Variants in DCUN1D5 observed in about 807,000 individuals in gnomAD.
DCUN1D5 encodes DCN1-like protein 5.
In DCUN1D5, 10 loss-of-function variants were observed where a neutral mutation model predicts 38.3. The observed-to-expected ratio is 0.26, with a 90% CI of 0.16 to 0.44. The LOEUF is 0.44. DCUN1D5 is among the 20% of genes least tolerant of loss of function. DCUN1D5 has a pLI of 1.00. For missense variants in DCUN1D5, 148 were observed against 275.3 expected, an observed-to-expected ratio of 0.54 and a Z score of 3.27; for synonymous variants, 93 against 90.9, an observed-to-expected ratio of 1.02 and a Z score of -0.13.
chr11:103,055,497 T>C lies in DCUN1D5; in HGVS notation c.*6862A>G, dbSNP rs1036969594. 5.9e-5 allele frequency: 9 copies of C among 152,304 alleles called. No individual in the cohort carries two copies. In the East Asian group the frequency reaches 1.7e-3, roughly 29 times the overall value. 9.4% of individuals were successfully genotyped at this position (152,304 alleles called of 1,614,324 possible). A position where few individuals can be genotyped will look rare whatever the true frequency, so the allele number is the denominator to read the frequency against. ...CAAAAACTTTATTCCAAGAATAAAGTGACACTCCCTCCTCAATTTAATTTG... is the reference window on the plus strand; with the variant it reads ...CAAAAACTTTATTCCAAGAATAAAGCGACACTCCCTCCTCAATTTAATTTG... On this transcript the variant is annotated 3_prime_UTR_variant, in exon 8 of 8. Coordinates refer to ENST00000260247, the MANE Select transcript of DCUN1D5 (RefSeq NM_032299.4).
rs1430205960 is a variant in DCUN1D5, at chr11:103,086,853, TAATAA to T, written c.178+2369_178+2373del. On this transcript the variant is annotated intron_variant, in intron 2 of 7. Coordinates refer to ENST00000260247, the MANE Select transcript of DCUN1D5 (RefSeq NM_032299.4). The surrounding 1 kb of genome is among the most constrained non-coding windows in gnomAD (Gnocchi z 4.1). ...AATAAACATAAAATAATATCTATTA[TAATAA>T]AATGTTTATAACTATATATAAACAT... Among the ~76,000 whole-genome samples the T allele has an allele frequency of 2.0e-5, 3 of 151,608 alleles. No individual in the cohort carries two copies. Among genetic ancestry groups the T allele is most frequent in the Admixed American group, 6.6e-5 (1 of 15,230 alleles).
In DCUN1D5 at chr11:103,087,055, G is replaced by A. The variant is rs1347136247; in HGVS notation, c.178+2172C>T. ...TAAAATGAGGGTATGGCCAAGCACA[G>A]CAGCTCATGCCTGTAATCCCACCAC... On this transcript the variant is annotated intron_variant, in intron 2 of 7. Transcript: ENST00000260247. The surrounding 1 kb of genome is among the most constrained non-coding windows in gnomAD (Gnocchi z 4.1). Among the ~76,000 whole-genome samples the A allele has an allele frequency of 6.6e-6, 1 of 151,962 alleles. No individual in the cohort carries two copies. The highest frequency in any genetic ancestry group is 1.5e-5 in the Non-Finnish European group (1 of 67,984).
chr11:103,055,525 A>ATTTG lies in DCUN1D5; in HGVS notation c.*6830_*6833dup, dbSNP rs1861852718. ...CACTCCCTCCTCAATTTAATTTGCC[A>ATTTG]TTTGTTTACATATTTGGCAACTATT... On this transcript the variant is annotated 3_prime_UTR_variant, in exon 8 of 8. Coordinates refer to ENST00000260247, the MANE Select transcript of DCUN1D5 (RefSeq NM_032299.4). 1.3e-5 allele frequency: 2 copies of ATTTG among 152,130 alleles called. No homozygotes were observed. The highest frequency in any genetic ancestry group is 4.8e-5 in the African/African-American group (2 of 41,440). The allele number at this position is 152,130 out of a possible 1,614,324, so 9.4% of individuals were successfully genotyped here.
Position 103,062,109 on chromosome 11 carries a change from T to C in DCUN1D5, c.*250A>G. On this transcript the variant is annotated 3_prime_UTR_variant, in exon 8 of 8. Coordinates refer to ENST00000260247, the MANE Select transcript of DCUN1D5 (RefSeq NM_032299.4). This position sits in a 1 kb window ranked among gnomAD's most constrained non-coding sequence, Gnocchi z 4.6. ...GGCCTTTGTCACAAATCTGAATCTT[T>C]ATTGTTCTGAAATAAATGTTATAAA... The C allele has an allele frequency of 2.5e-6, 1 of 394,690 alleles. No individual in the cohort carries two copies. The highest frequency in any genetic ancestry group is 3.9e-5 in the East Asian group (1 of 25,618). The allele number at this position is 394,690 out of a possible 1,614,324, so 24.4% of individuals were successfully genotyped here.
Position 103,089,237 on chromosome 11 carries a change from A to G in DCUN1D5, c.168T>C (p.Tyr56=). ...FSSKKCLAWF[Y]EYAGPDEVVG... is the part of the protein sequence containing the mutation. ...TATTAATTTCATTACCTGCATATTC[A>G]TAAAACCAAGCCAGGCACTTCTTGC... is the stretch of plus-strand genomic sequence containing the variant. The change falls in exon 2 of 8, where the codon TAT becomes TAC. Residue 56 remains tyrosine, a synonymous_variant. Coordinates refer to ENST00000260247, the MANE Select transcript of DCUN1D5 (RefSeq NM_032299.4). The G allele has an allele frequency of 1.2e-6, 2 of 1,613,698 alleles. No homozygotes were observed. Among genetic ancestry groups the G allele is most frequent in the Non-Finnish European group, 1.7e-6 (2 of 1,179,780 alleles).
intron 2 of DCUN1D5, among the ~76,000 whole-genome samples, chr11:103,088,494 C>T (rs928954639): frequency 2.6e-5 from 4 of 152,144 alleles, no homozygotes; most frequent in South Asian, 2.1e-4. Context: ...CTTTGACTTT[C>T]GCCTCTAAAA....
At position 103,065,703 on chromosome 11, in the gene DCUN1D5, T is replaced by C. The variant is rs1862118546; in HGVS notation, c.555+566A>G. ...TCACTGCCTATAGTAGTTGCTATGA[T>C]AAACCTTCTAAAAGAACACGTCATC... is the stretch of plus-strand genomic sequence containing the variant. On this transcript the variant is annotated intron_variant, in intron 6 of 7. Coordinates refer to ENST00000260247, the MANE Select transcript of DCUN1D5 (RefSeq NM_032299.4). The surrounding 1 kb of genome is among the most constrained non-coding windows in gnomAD (Gnocchi z 4.6). Among the ~76,000 whole-genome samples the C allele has an allele frequency of 6.6e-6, 1 of 152,122 alleles. No homozygotes were observed. Among genetic ancestry groups the C allele is most frequent in the Non-Finnish European group, 1.5e-5 (1 of 68,010 alleles).
At chr11:103,069,335 A>C (rs1216536883) in intron 4 of DCUN1D5, among the ~76,000 whole-genome samples, 1 of 152,178 alleles carries the variant, frequency 6.6e-6, no homozygotes, top group African/African-American at 2.4e-5. Context: ...CAAAGAAAGG[A>C]GGAGCCTCAC....
intron 4 of DCUN1D5, among the ~76,000 whole-genome samples, chr11:103,072,023 T>C (rs1387882304): frequency 1.3e-5 from 2 of 151,242 alleles, no homozygotes; most frequent in Non-Finnish European, 1.5e-5. Flanking sequence ...AAATTTAACA[T>C]CCATTCATGA....
At position 103,062,240 on chromosome 11, in the gene DCUN1D5, A is replaced by G. The variant is rs1051340536; in HGVS notation, c.*119T>C. On this transcript the variant is annotated 3_prime_UTR_variant, in exon 8 of 8. Coordinates refer to ENST00000260247, the MANE Select transcript of DCUN1D5 (RefSeq NM_032299.4). The surrounding 1 kb of genome is among the most constrained non-coding windows in gnomAD (Gnocchi z 4.6). Reference sequence around the variant, plus strand: ...TCCTTTAAAAAAAGGAAAAAAAAGTACTATGAGAAGTCTTTCATATGAATG... The same window carrying G: ...TCCTTTAAAAAAAGGAAAAAAAAGTGCTATGAGAAGTCTTTCATATGAATG... 1.5e-5 allele frequency: 14 copies of G among 960,786 alleles called. No individual in the cohort carries two copies. The highest frequency in any genetic ancestry group is 3.3e-5 in the African/African-American group (2 of 60,296). 59.5% of individuals were successfully genotyped at this position (960,786 alleles called of 1,614,324 possible).
At chr11:103,089,375 A>C in intron 1 of DCUN1D5, 57 bp from the exon 2 acceptor site, 2 of 1,437,976 alleles carry the variant, frequency 1.4e-6, no homozygotes, top group Non-Finnish European at 1.9e-6. Context: ...TTAGAGAAAA[A>C]CTAAGTTCAA....
Position 103,091,979 on chromosome 11 carries a change from G to A in DCUN1D5, c.-107C>T. On this transcript the variant is annotated 5_prime_UTR_variant, in exon 1 of 8. Coordinates refer to ENST00000260247, the MANE Select transcript of DCUN1D5 (RefSeq NM_032299.4). This position sits in a 1 kb window ranked among gnomAD's most constrained non-coding sequence, Gnocchi z 4.3. Reference sequence around the variant, plus strand: ...CAGTTCCCAGAGACAGCAGCAAGCGGAGGAGCAGAGTCGCCAGCCCGCACC... The same window carrying A: ...CAGTTCCCAGAGACAGCAGCAAGCGAAGGAGCAGAGTCGCCAGCCCGCACC... 9.3e-7 allele frequency: 1 copy of A among 1,071,472 alleles called. No individual in the cohort carries two copies. Among genetic ancestry groups the A allele is most frequent in the Non-Finnish European group, 1.3e-6 (1 of 760,038 alleles). 66.4% of individuals were successfully genotyped at this position (1,071,472 alleles called of 1,614,324 possible).
rs1861744566 is a variant in DCUN1D5 at position 103,051,742 on chromosome 11, G to A, written c.*10617C>T. 6.6e-6 allele frequency: 1 copy of A among 151,990 alleles called. No homozygotes were observed. The highest frequency in any genetic ancestry group is 1.9e-4 in the East Asian group (1 of 5,192). The allele number at this position is 151,990 out of a possible 1,614,324, so 9.4% of individuals were successfully genotyped here. ...CTCTACCTCACAGAAGAGGAAAAAGGGAGCTCAAGTTATCTTCTCAAGGTC... is the reference window on the plus strand; with the variant it reads ...CTCTACCTCACAGAAGAGGAAAAAGAGAGCTCAAGTTATCTTCTCAAGGTC... On this transcript the variant is annotated 3_prime_UTR_variant, in exon 8 of 8. Coordinates refer to ENST00000260247, the MANE Select transcript of DCUN1D5 (RefSeq NM_032299.4).
intron 1 of DCUN1D5, among the ~76,000 whole-genome samples, chr11:103,090,836 C>G (rs760399589): frequency 1.2e-4 from 18 of 152,088 alleles, no homozygotes; most frequent in Non-Finnish European, 2.5e-4. Context: ...CGCTTGAACC[C>G]GGGAGGCGGA....
Position 103,066,581 on chromosome 11 carries a change from A to G in DCUN1D5, c.342-14T>C, listed in dbSNP as rs770443229. On this transcript the variant is annotated splice_polypyrimidine_tract_variant and intron_variant, in intron 4 of 7. Coordinates refer to ENST00000260247, the MANE Select transcript of DCUN1D5 (RefSeq NM_032299.4). The surrounding 1 kb of genome is among the most constrained non-coding windows in gnomAD (Gnocchi z 4.7). The stretch of plus-strand genomic sequence containing the variant: ...GTGCAGTCACACCTTAAATAAAAGA[A>G]ATATCAAACAAATTACATAATCAAG... The G allele has an allele frequency of 5.4e-6, 8 of 1,476,992 alleles. No individual in the cohort carries two copies. The highest frequency in any genetic ancestry group is 7.5e-6 in the Non-Finnish European group (8 of 1,061,422). The allele number at this position is 1,476,992 out of a possible 1,614,324, so 91.5% of individuals were successfully genotyped here. A position where few individuals can be genotyped will look rare whatever the true frequency, so the allele number is the denominator to read the frequency against.
At position 103,064,492 on chromosome 11, in the gene DCUN1D5, T is replaced by C; in HGVS notation, c.556-115A>G. 1.4e-6 allele frequency: 1 copy of C among 720,760 alleles called. No individual in the cohort carries two copies. The highest frequency in any genetic ancestry group is 3.4e-5 in the Admixed American group (1 of 29,550). The allele number at this position is 720,760 out of a possible 1,614,324, so 44.6% of individuals were successfully genotyped here. A position where few individuals can be genotyped will look rare whatever the true frequency, so the allele number is the denominator to read the frequency against. On this transcript the variant is annotated intron_variant, in intron 6 of 7. Coordinates refer to ENST00000260247, the MANE Select transcript of DCUN1D5 (RefSeq NM_032299.4). The surrounding 1 kb of genome is among the most constrained non-coding windows in gnomAD (Gnocchi z 4.5). ...ATTTGGTTTTTTCTAAAACATTTAC[T>C]ATTTTTTTAATTATTTGTGTTTCTA...
Position 103,071,372 on chromosome 11 carries a change from TA to T in DCUN1D5, c.342-4806del, listed in dbSNP as rs1862267839. 6.6e-6 allele frequency among the ~76,000 whole-genome samples: 1 copy of T among 151,870 alleles called. No homozygotes were observed. The highest frequency in any genetic ancestry group is 2.1e-4 in the South Asian group (1 of 4,830). On this transcript the variant is annotated intron_variant, in intron 4 of 7. Transcript: ENST00000260247. This position sits in a 1 kb window ranked among gnomAD's most constrained non-coding sequence, Gnocchi z 4.1. ...TACAGACCCACAGCTATCAAAAGCA[TA>T]GTAAGGGATACACAATGAACATATA...
chr11:103,082,715 C>T (rs1464820389), intron 4 of DCUN1D5, 33 bp downstream of exon 4: 1 of 1,336,310 alleles, frequency 7.5e-7, no homozygotes, highest in African/African-American at 1.5e-5. Context: ...TTCAAATAGG[C>T]CATCAAATTT....
rs924587489 is a variant in DCUN1D5 at position 103,051,993 on chromosome 11, T to G, written c.*10366A>C. On this transcript the variant is annotated 3_prime_UTR_variant, in exon 8 of 8. Transcript: ENST00000260247. ...GAACTCACTCTCCTCTGAACTCCTA[T>G]AGCTTATTGTCATATTATTCAACTG... is the stretch of plus-strand genomic sequence containing the variant. 1 of 152,178 alleles carries G rather than the reference T, an allele frequency of 6.6e-6. No individual in the cohort carries two copies. The highest frequency in any genetic ancestry group is 1.5e-5 in the Non-Finnish European group (1 of 68,038). The allele number at this position is 152,178 out of a possible 1,614,324, so 9.4% of individuals were successfully genotyped here. A position where few individuals can be genotyped will look rare whatever the true frequency, so the allele number is the denominator to read the frequency against.
Sources: allele counts gnomAD v4.1 joint callset (sites outside exome capture counted in the v4.1 genomes callset), GRCh38; gene constraint gnomAD v4.1.1; non-coding constraint Gnocchi (gnomAD v3.1); transcripts MANE v1.5; gene names NCBI Gene and HGNC (gene_info 2026-07-23, HGNC 2026-07-21).